Variants in NDUFB3 observed in about 807,000 individuals in gnomAD.
The protein encoded by NDUFB3 is NADH:ubiquinone oxidoreductase subunit B3, also known as NADH dehydrogenase [ubiquinone] 1 beta subcomplex subunit 3.
NDUFB3 carries 7 observed loss-of-function variants against 9.0 expected under a neutral mutation model. The observed-to-expected ratio is 0.78, with a 90% confidence interval of 0.44 to 1.46. The LOEUF (loss-of-function observed/expected upper bound fraction) is 1.46. Among genes scored for constraint, NDUFB3 ranks in the 40% most tolerant of loss-of-function variants. The pLI is 0.01. For missense variants in NDUFB3, 93 were observed against 115.4 expected (o/e 0.81, Z 0.89); for synonymous variants, 29 against 38.5 (o/e 0.75, Z 0.91).
intron 2 of NDUFB3, among the ~76,000 whole-genome samples, chr2:201,085,131 G>A (rs1051807896): frequency 6.6e-6 from 1 of 152,294 alleles, no homozygotes; most frequent in East Asian, 1.9e-4. Flanking sequence ...TCATCTTTCC[G>A]TGATGTTGTA....
intron 1 of NDUFB3, among the ~76,000 whole-genome samples, chr2:201,077,106 CAAAAG>C (rs1314848766): frequency 2.0e-5 from 3 of 151,860 alleles, no homozygotes; most frequent in African/African-American, 4.8e-5. Context: ...ATCTCAAAAA[CAAAAG>C]AAAAGAAAAG....
At chr2:201,084,929 A>C (rs959304719) in intron 2 of NDUFB3, among the ~76,000 whole-genome samples, 3 of 152,192 alleles carry the variant, frequency 2.0e-5, no homozygotes, top group Non-Finnish European at 4.4e-5. Flanking sequence ...CAAGTGTTAC[A>C]TACTCCATAC....
intron 1 of NDUFB3, among the ~76,000 whole-genome samples, chr2:201,074,735 C>CCAA (rs2047141569): frequency 6.6e-6 from 1 of 152,128 alleles, no homozygotes; most frequent in Non-Finnish European, 1.5e-5. Flanking sequence ...GGATTACAGG[C>CCAA]GTGTGCCACT....
intron 1 of NDUFB3, among the ~76,000 whole-genome samples, chr2:201,078,025 G>A (rs549743041): frequency 4.2e-4 from 63 of 151,324 alleles, no homozygotes; most frequent in East Asian, 1.2e-3. Context: ...GCAGGGGGCC[G>A]GGTGCGGTGG....
At chr2:201,085,190 G>C (rs1022683837) in intron 2 of NDUFB3, among the ~76,000 whole-genome samples, 1 of 152,206 alleles carries the variant, frequency 6.6e-6, no homozygotes, top group Non-Finnish European at 1.5e-5. Flanking sequence ...ATAAGCTGAC[G>C]TGAGTCTTGC....
intron 2 of NDUFB3, among the ~76,000 whole-genome samples, chr2:201,084,976 G>A (rs748626225): frequency 3.9e-5 from 6 of 152,132 alleles, no homozygotes; most frequent in Non-Finnish European, 5.9e-5. Flanking sequence ...AGCCTGTTTA[G>A]TCTTTATGAT....
chr2:201,075,565 C>CA (rs771947770), intron 1 of NDUFB3, among the ~76,000 whole-genome samples: 6,370 of 45,784 alleles, frequency 0.14, 684 homozygotes, highest in African/African-American at 0.31. Context: ...GACTCTGTCT[C>CA]AAAAAAAAAA....
At chr2:201,078,849 A>G (rs1259047923) in intron 1 of NDUFB3, 32 bp from the exon 2 acceptor site, 2 of 1,583,566 alleles carry the variant, frequency 1.3e-6, no homozygotes, top group African/African-American at 1.4e-5. Context: ...CAATTTGCAT[A>G]TTTCTCACTT....
intron 2 of NDUFB3, among the ~76,000 whole-genome samples, chr2:201,082,699 CTTTTTTTTTTTT>C (rs1170018569): frequency 1.0e-5 from 1 of 100,416 alleles, no homozygotes; most frequent in Non-Finnish European, 1.9e-5. Flanking sequence ...GCTAAATTCA[CTTTTTTTTTTTT>C]TTTTTTTTTT....
chr2:201,074,489 C>T (rs926902258), intron 1 of NDUFB3, among the ~76,000 whole-genome samples: 1 of 136,614 alleles, frequency 7.3e-6, no homozygotes, highest in African/African-American at 2.8e-5. Flanking sequence ...TAGAATCTCA[C>T]TCTGTCACCC....
chr2:201,085,325 T>A (rs1280088036), intron 2 of NDUFB3, 134 bp from the exon 3 acceptor site: 1 of 591,810 alleles, frequency 1.7e-6, no homozygotes, highest in African/African-American at 1.9e-5. Context: ...ACAGAAAGAT[T>A]CCTATTGCGA....
rs1395426946 is a variant in NDUFB3 at position 201,079,037 on chromosome 2, G to A, written c.140+15G>A. The stretch of plus-strand genomic sequence containing the variant: ...CCATGGGGCCGGTAAGATGAATTAA[G>A]TAATTTAGATAGAATGTATCCTAGA... On this transcript the variant is annotated intron_variant, in intron 2 of 2. Transcript: ENST00000237889. 6.2e-7 allele frequency: 1 copy of A among 1,603,786 alleles called. No individual in the cohort carries two copies. The highest frequency in any genetic ancestry group is 2.2e-5 in the East Asian group (1 of 44,756).
At chr2:201,084,787 G>A (rs1221950004) in intron 2 of NDUFB3, among the ~76,000 whole-genome samples, 1 of 152,114 alleles carries the variant, frequency 6.6e-6, no homozygotes, top group East Asian at 1.9e-4. Flanking sequence ...GAGTTAAATA[G>A]TTTTTGTTTT....
chr2:201,075,179 GAAAA>G (rs752371143), intron 1 of NDUFB3, among the ~76,000 whole-genome samples: 2 of 91,080 alleles, frequency 2.2e-5, no homozygotes. Context: ...GATCCTGTCT[GAAAA>G]AAAAAAAAAA....
chr2:201,073,243 G>A (rs1451218778), intron 1 of NDUFB3, among the ~76,000 whole-genome samples: 2 of 151,992 alleles, frequency 1.3e-5, no homozygotes, highest in Non-Finnish European at 2.9e-5. Flanking sequence ...GAATTGTTAG[G>A]CATTTCAATC....
At chr2:201,084,599 T>C (rs1476793983) in intron 2 of NDUFB3, among the ~76,000 whole-genome samples, 2 of 152,176 alleles carry the variant, frequency 1.3e-5, no homozygotes, top group Non-Finnish European at 2.9e-5. Flanking sequence ...ATTGTGCCAC[T>C]GCTCTCTAGC....
intron 1 of NDUFB3, among the ~76,000 whole-genome samples, chr2:201,077,505 C>T (rs191908181): frequency 5.9e-5 from 9 of 152,250 alleles, no homozygotes; most frequent in Admixed American, 3.3e-4. Context: ...GTTCAGGGAT[C>T]GGCAAACTGC....
Position 201,085,678 on chromosome 2 carries a change from A to T in NDUFB3, c.*63A>T. ...CTCCAAAATAAGATTTCTTCTCTGTAGCCTACTTGTCTGGTTTATCCCTTA... is the reference window on the plus strand; with the variant it reads ...CTCCAAAATAAGATTTCTTCTCTGTTGCCTACTTGTCTGGTTTATCCCTTA... On this transcript the variant is annotated 3_prime_UTR_variant, in exon 3 of 3. Transcript: ENST00000237889. 1 of 1,433,370 alleles carries T rather than the reference A, an allele frequency of 7.0e-7. No individual in the cohort carries two copies. The highest frequency in any genetic ancestry group is 9.5e-7 in the Non-Finnish European group (1 of 1,048,106). The allele number at this position is 1,433,370 out of a possible 1,614,324, so 88.8% of individuals were successfully genotyped here.
intron 1 of NDUFB3, among the ~76,000 whole-genome samples, chr2:201,076,184 G>GTTTTCA (rs201585725): frequency 6.6e-6 from 1 of 151,796 alleles, no homozygotes. Flanking sequence ...GAGAGTATCG[G>GTTTTCA]TTTTCATTTT....
Sources: allele counts gnomAD v4.1 joint callset (sites outside exome capture counted in the v4.1 genomes callset), GRCh38; gene constraint gnomAD v4.1.1; transcripts MANE v1.5; gene names NCBI Gene and HGNC (gene_info 2026-07-23, HGNC 2026-07-21).